USP8: variants seen among roughly 807,000 people sequenced by gnomAD.
USP8 encodes ubiquitin specific peptidase 8, also known as ubiquitin carboxyl-terminal hydrolase 8.
Under a neutral mutation model 130.0 loss-of-function variants are expected in USP8, and 27 were observed. The observed-to-expected ratio is 0.21, with a 90% CI of 0.15 to 0.29. USP8 has a LOEUF of 0.29. Among genes scored for constraint, USP8 ranks in the 10% least tolerant of loss-of-function variants. The pLI, the probability that USP8 is intolerant of heterozygous loss-of-function variation, is 1.00. For synonymous variants in USP8, 392 were observed against 444.1 expected (o/e 0.88, Z 1.48); for missense variants, 1,029 against 1,312.2 (o/e 0.78, Z 3.33).
chr15:50,475,792 G>A (rs553648859), intron 8 of USP8, among the ~76,000 whole-genome samples: 3 of 152,004 alleles, frequency 2.0e-5, no homozygotes, highest in East Asian at 1.9e-4. Flanking sequence ...TAGTAGAGAC[G>A]GGGTTTCACC....
At chr15:50,466,981 A>G (rs2051212681) in intron 7 of USP8, 3 of 496,086 alleles carry the variant, frequency 6.0e-6, no homozygotes, top group South Asian at 4.7e-5. Flanking sequence ...GATCATTTCC[A>G]TATGAGAATC....
rs2052617735 is a variant in USP8 at position 50,503,427 on chromosome 15, G to C, written c.*4339G>C. 2 of 152,356 alleles carry C rather than the reference G, an allele frequency of 1.3e-5. No individual in the cohort carries two copies. Among genetic ancestry groups the C allele is most frequent in the East Asian group, 1.9e-4 (1 of 5,188 alleles). The allele number at this position is 152,356 out of a possible 1,614,324, so 9.4% of individuals were successfully genotyped here. ...CTAGTTTCTGTAACCAGTATGCTCGGGTTTTAAAGGTCACGCAAGGACACT... is the reference window on the plus strand; with the variant it reads ...CTAGTTTCTGTAACCAGTATGCTCGCGTTTTAAAGGTCACGCAAGGACACT... On this transcript the variant is annotated 3_prime_UTR_variant, in exon 20 of 20. Transcript: ENST00000307179.
chr15:50,511,103 A>G lies in USP8; in HGVS notation c.*12015A>G, dbSNP rs1044205717. On this transcript the variant is annotated 3_prime_UTR_variant, in exon 20 of 20. Transcript: ENST00000307179. ...GATGTACACCAATGTTCTCTGTACAATTCTTTCAGATTTTCTGAATGTTTG... is the reference window on the plus strand; with the variant it reads ...GATGTACACCAATGTTCTCTGTACAGTTCTTTCAGATTTTCTGAATGTTTG... 6.6e-6 allele frequency: 1 copy of G among 152,168 alleles called. No individual in the cohort carries two copies. Among genetic ancestry groups the G allele is most frequent in the Admixed American group, 6.6e-5 (1 of 15,266 alleles). The allele number at this position is 152,168 out of a possible 1,614,324, so 9.4% of individuals were successfully genotyped here.
intron 16 of USP8, among the ~76,000 whole-genome samples, chr15:50,494,495 A>AT (rs1240117543): frequency 6.6e-6 from 1 of 152,210 alleles, no homozygotes; most frequent in African/African-American, 2.4e-5. Flanking sequence ...TTGCTGAGAA[A>AT]TTTGCAAATG....
chr15:50,497,443 C>G, intron 18 of USP8: 1 of 401,528 alleles, frequency 2.5e-6, no homozygotes, highest in Non-Finnish European at 4.3e-6. Context: ...ACCACTATTT[C>G]ATGTAATTCC....
Position 50,449,454 on chromosome 15 carries a change from G to A in USP8, c.304G>A (p.Ala102Thr). 6.3e-7 allele frequency: 1 copy of A among 1,596,078 alleles called. No homozygotes were observed. The highest frequency in any genetic ancestry group is 8.5e-7 in the Non-Finnish European group (1 of 1,170,024). ...AAACATCAAAAAAGCTGTCGAAGAA[G>A]CTGAAAGACTCTCTGAAAGCCTTAA... The part of the protein sequence containing the change: ...PGNIKKAVEE[A>T]ERLSESLKLR... The change falls in exon 4 of 20, where the codon GCT becomes ACT. Residue 102 changes from alanine to threonine, a missense_variant. Transcript: ENST00000307179.
At chr15:50,446,999 A>G (rs1053607955) in intron 3 of USP8, among the ~76,000 whole-genome samples, 6 of 152,212 alleles carry the variant, frequency 3.9e-5, no homozygotes, top group Admixed American at 1.3e-4. Flanking sequence ...ATCTTTTGCT[A>G]TATCACTCAT....
rs771500055 is a variant in USP8, at chr15:50,490,509, G to C, written c.2218G>C (p.Val740Leu). 25 of 1,613,478 alleles carry C rather than the reference G, an allele frequency of 1.5e-5. No homozygotes were observed. The highest frequency in any genetic ancestry group is 2.0e-5 in the Non-Finnish European group (24 of 1,179,886). The change falls in exon 14 of 20, where the codon GTT becomes CTT. Residue 740 changes from valine (V) to leucine (L), a missense_variant. Physicochemically the swap from Val to Leu is conservative, Grantham distance 32 (BLOSUM62 1). Around this residue, in one of 4 missense-constraint regions of USP8, gnomAD observed 486 missense variants for 522.0 expected, o/e 0.93. Coordinates refer to ENST00000307179, the MANE Select transcript of USP8 (RefSeq NM_005154.5). ...EKRKPTVTPT[V>L]NRENKPTCYP... ...GAGGAAGCCAACAGTAACTCCAACAGTTAATCGGGAAAACAAGTATGTTTA... is the reference window on the plus strand; with the variant it reads ...GAGGAAGCCAACAGTAACTCCAACACTTAATCGGGAAAACAAGTATGTTTA...
In USP8 at chr15:50,508,492, C is replaced by T. The variant is rs1009882194; in HGVS notation, c.*9404C>T. 7 of 152,136 alleles carry T rather than the reference C, an allele frequency of 4.6e-5. No homozygotes were observed. The highest frequency in any genetic ancestry group is 1.7e-4 in the African/African-American group (7 of 41,420). The allele number at this position is 152,136 out of a possible 1,614,324, so 9.4% of individuals were successfully genotyped here. ...AAAGGCAGAGAAAGTGGGAGATAGA[C>T]ATTTGTAGTTTTAAATACTTATATC... On this transcript the variant is annotated 3_prime_UTR_variant, in exon 20 of 20. Coordinates refer to ENST00000307179, the MANE Select transcript of USP8 (RefSeq NM_005154.5).
In USP8 at chr15:50,439,100, A is replaced by G. The variant is rs780469069; in HGVS notation, c.27A>G (p.Lys9=). Residue 9 remains lysine, a synonymous_variant, in exon 2 of 20, where the codon AAA becomes AAG. Transcript: ENST00000307179. MPAVASVP[K]ELYLSSSLKD... is the part of the protein sequence containing the mutation. ...TGCCTGCTGTGGCTTCAGTTCCTAA[A>G]GAACTCTACCTCAGTTCTTCACTAA... 1.2e-6 allele frequency: 2 copies of G among 1,605,276 alleles called. No individual in the cohort carries two copies. The highest frequency in any genetic ancestry group is 2.2e-5 in the South Asian group (2 of 88,890).
At chr15:50,471,604 G>T in intron 7 of USP8, 29 bp from the exon 8 acceptor site, 8 of 1,601,506 alleles carry the variant, frequency 5.0e-6, no homozygotes, top group Non-Finnish European at 6.8e-6. Flanking sequence ...GTTGACTTTT[G>T]CCCCAATTTA....
chr15:50,440,146 G>A (rs1329792612), intron 2 of USP8, among the ~76,000 whole-genome samples: 2 of 152,136 alleles, frequency 1.3e-5, no homozygotes, highest in South Asian at 2.1e-4. Context: ...TTTATCTTGC[G>A]AAGTTGGGAA....
chr15:50,480,264 G>C (rs2051717808), intron 10 of USP8, among the ~76,000 whole-genome samples: 1 of 152,024 alleles, frequency 6.6e-6, no homozygotes, highest in Non-Finnish European at 1.5e-5. Context: ...CAGGAACTTA[G>C]GTAGTTTATT....
intron 7 of USP8, 64 bp downstream of exon 7, chr15:50,465,255 A>G (rs1325789882): frequency 1.5e-6 from 2 of 1,338,306 alleles, no homozygotes; most frequent in East Asian, 3.7e-5. Context: ...ACCTTAGTAA[A>G]TGTTACTACT....
chr15:50,499,615 A>T lies in USP8; in HGVS notation c.*527A>T, dbSNP rs1421759812. On this transcript the variant is annotated 3_prime_UTR_variant, in exon 20 of 20. Coordinates refer to ENST00000307179, the MANE Select transcript of USP8 (RefSeq NM_005154.5). Reference sequence around the variant, plus strand: ...TTTCAGCCTATTTTGAGTTAACTTCAGTGCTTTCTTAGGGAAATGACAGGG... The same window carrying T: ...TTTCAGCCTATTTTGAGTTAACTTCTGTGCTTTCTTAGGGAAATGACAGGG... The T allele has an allele frequency of 6.6e-6, 1 of 152,000 alleles. No homozygotes were observed. The highest frequency in any genetic ancestry group is 1.5e-5 in the Non-Finnish European group (1 of 67,984). The allele number at this position is 152,000 out of a possible 1,614,324, so 9.4% of individuals were successfully genotyped here. A position where few individuals can be genotyped will look rare whatever the true frequency, so the allele number is the denominator to read the frequency against.
intron 16 of USP8, among the ~76,000 whole-genome samples, chr15:50,494,929 C>T (rs902782434): frequency 9.9e-5 from 15 of 151,596 alleles, no homozygotes; most frequent in Admixed American, 1.3e-4. Context: ...GCAGGAGAAT[C>T]GCTTGAACCT....
chr15:50,493,227 C>T (rs2052247473), intron 15 of USP8: 2 of 507,250 alleles, frequency 3.9e-6, no homozygotes, highest in African/African-American at 1.9e-5. Context: ...GCCTTATCAC[C>T]TCTTTAAAGG....
intron 1 of USP8, among the ~76,000 whole-genome samples, chr15:50,430,171 T>C (rs945773602): frequency 6.6e-6 from 1 of 152,160 alleles, no homozygotes; most frequent in African/African-American, 2.4e-5. Context: ...ATAGTAGGTA[T>C]CTATTGTTTA....
chr15:50,445,545 C>CAAAAAAGAAAAAAAAAAAAAAAA (rs2050401923), intron 3 of USP8, among the ~76,000 whole-genome samples: 1 of 10,016 alleles, frequency 1.0e-4, no homozygotes, highest in African/African-American at 3.1e-4. Flanking sequence ...GAGTCTGTCT[C>CAAAAAAGAAAAAAAAAAAAAAAA]AAAAAAAAAA....
Sources: gnomAD v4.1 joint callset for allele counts (sites outside exome capture counted in the v4.1 genomes callset) on GRCh38, gnomAD v4.1.1 for gene constraint, gnomAD v4.1.1 regional missense constraint, MANE v1.5 for transcripts, NCBI Gene and HGNC (gene_info 2026-07-23, HGNC 2026-07-21) for gene names.